SLC25A33: variants seen among roughly 807,000 people sequenced by gnomAD.
The protein encoded by SLC25A33 is solute carrier family 25 member 33.
In SLC25A33, 15 loss-of-function variants were observed where a neutral mutation model predicts 35.5. The ratio of observed to expected loss-of-function variants is 0.42; its 90% CI spans 0.28 to 0.65. The LOEUF is 0.65. Among genes scored for constraint, SLC25A33 ranks in the 30% least tolerant of loss-of-function variants. The probability of loss-of-function intolerance (pLI) is 0.20; values close to 1 mark genes in which losing one functional copy is unlikely to be tolerated. For synonymous variants in SLC25A33, 136 were observed against 148.7 expected, an observed-to-expected ratio of 0.91 and a Z score of 0.62; for missense variants, 257 against 398.5, an observed-to-expected ratio of 0.64 and a Z score of 3.02.
Position 9,580,053 on chromosome 1 carries a change from T to C in SLC25A33, c.582T>C (p.Tyr194=). The C allele has an allele frequency of 6.2e-7, 1 of 1,613,014 alleles. No individual in the cohort carries two copies. The highest frequency in any genetic ancestry group is 8.5e-7 in the Non-Finnish European group (1 of 1,179,294). The stretch of plus-strand genomic sequence containing the variant: ...TCTATAGAGGATTAACTGCCTCGTA[T>C]GCTGGAATTTCCGAAACTATAATCT... ...RGFYRGLTAS[Y]AGISETIICF... is the part of the protein sequence containing the mutation. Residue 194 remains tyrosine (Y), a synonymous_variant, in exon 6 of 7, where the codon TAT becomes TAC. Coordinates refer to ENST00000302692, the MANE Select transcript of SLC25A33 (RefSeq NM_032315.3).
At position 9,582,298 on chromosome 1, in the gene SLC25A33, G is replaced by A; in HGVS notation, c.764-1G>A. Reference sequence around the variant, plus strand: ...TAAAGTAGGTCTTTCTCTCTCTGCAGAAGTCATAAGGACGAGGCTCCGGGA... The same window carrying A: ...TAAAGTAGGTCTTTCTCTCTCTGCAAAAGTCATAAGGACGAGGCTCCGGGA... On this transcript the variant is annotated splice_acceptor_variant, in intron 6 of 6. Coordinates refer to ENST00000302692, the MANE Select transcript of SLC25A33 (RefSeq NM_032315.3). LOFTEE classifies it high-confidence loss of function. This position sits in a 1 kb window ranked among gnomAD's most constrained non-coding sequence, Gnocchi z 4.0. 1 of 1,613,984 alleles carries A rather than the reference G, an allele frequency of 6.2e-7. No homozygotes were observed. The highest frequency in any genetic ancestry group is 8.5e-7 in the Non-Finnish European group (1 of 1,179,864).
At position 9,585,015 on chromosome 1, in the gene SLC25A33, T is replaced by G. The variant is rs1007290544; in HGVS notation, c.*2514T>G. 1 of 152,240 alleles carries G rather than the reference T, an allele frequency of 6.6e-6. No individual in the cohort carries two copies. Among genetic ancestry groups the G allele is most frequent in the Non-Finnish European group, 1.5e-5 (1 of 68,046 alleles). The allele number at this position is 152,240 out of a possible 1,614,324, so 9.4% of individuals were successfully genotyped here. On this transcript the variant is annotated 3_prime_UTR_variant, in exon 7 of 7. Coordinates refer to ENST00000302692, the MANE Select transcript of SLC25A33 (RefSeq NM_032315.3). The stretch of plus-strand genomic sequence containing the variant: ...TACAGAGTAACATCTAATTTTAATA[T>G]TCACATTCCTATTTTAATATTCATA...
At position 9,553,203 on chromosome 1, in the gene SLC25A33, G is replaced by GTTTTTTTTTTTTTTTT. The variant is rs550067186; in HGVS notation, c.57-414_57-399dup. 1.3e-3 allele frequency among the ~76,000 whole-genome samples: 72 copies of GTTTTTTTTTTTTTTTT among 56,498 alleles called. 2 individuals carry two copies. Among genetic ancestry groups the GTTTTTTTTTTTTTTTT allele is most frequent in the Admixed American group, 1.4e-3 (5 of 3,676 alleles). The allele number at this position is 56,498 out of a possible 152,430, so 37.1% of individuals were successfully genotyped here. ...TTAACCTTTATTGTGTTCTAGTTTT[G>GTTTTTTTTTTTTTTTT]TTTTTTTTTTTTTTTTTTTTTTTTG... On this transcript the variant is annotated intron_variant, in intron 1 of 6. Coordinates refer to ENST00000302692, the MANE Select transcript of SLC25A33 (RefSeq NM_032315.3).
Position 9,553,511 on chromosome 1 carries a change from G to A in SLC25A33, c.57-115G>A, listed in dbSNP as rs1056030163. 2.5e-5 allele frequency: 29 copies of A among 1,160,486 alleles called. No homozygotes were observed. In the Admixed American group the frequency reaches 6.0e-4, roughly 24 times the overall value. 71.9% of individuals were successfully genotyped at this position (1,160,486 alleles called of 1,614,324 possible). A position where few individuals can be genotyped will look rare whatever the true frequency, so the allele number is the denominator to read the frequency against. Reference sequence around the variant, plus strand: ...GCCTCCCAAAGTGCTGGGATTACAGGCGTGAGCCACCGCGCCCGGCACGTT... The same window carrying A: ...GCCTCCCAAAGTGCTGGGATTACAGACGTGAGCCACCGCGCCCGGCACGTT... On this transcript the variant is annotated intron_variant, in intron 1 of 6. Transcript: ENST00000302692.
At chr1:9,575,826 T>C (rs1041656595) in intron 5 of SLC25A33, among the ~76,000 whole-genome samples, 4 of 152,232 alleles carry the variant, frequency 2.6e-5, no homozygotes, top group Middle Eastern at 3.2e-3. Context: ...TCAGACTCTT[T>C]TGATGAATCT....
At chr1:9,554,265 G>A (rs1027652254) in intron 2 of SLC25A33, among the ~76,000 whole-genome samples, 1 of 152,200 alleles carries the variant, frequency 6.6e-6, no homozygotes, top group Non-Finnish European at 1.5e-5. Context: ...CTCGCTGCAG[G>A]TGATCTGCCC....
rs55887722 is a variant in SLC25A33, at chr1:9,550,012, T to TATATATATATATATATACATA, written c.57-3614_57-3613insATATATATATATATATACATA. 3.9e-3 allele frequency among the ~76,000 whole-genome samples: 133 copies of TATATATATATATATATACATA among 33,808 alleles called. 2 individuals are homozygous for TATATATATATATATATACATA. The highest frequency in any genetic ancestry group is 0.011 in the African/African-American group (131 of 11,528). 22.2% of individuals were successfully genotyped at this position (33,808 alleles called of 152,430 possible). ...TTTTCTATACATATATATATATATA[T>TATATATATATATATATACATA]TTTTTTTTTTTTTTTTTTTTTTTTT... is the stretch of plus-strand genomic sequence containing the variant. On this transcript the variant is annotated intron_variant, in intron 1 of 6. Transcript: ENST00000302692.
chr1:9,559,305 A>G (rs1460932125), intron 2 of SLC25A33, among the ~76,000 whole-genome samples: 6 of 152,086 alleles, frequency 3.9e-5, no homozygotes, highest in Non-Finnish European at 8.8e-5. Context: ...GTTTCTTTTA[A>G]TTACTGAAAT....
At position 9,582,701 on chromosome 1, in the gene SLC25A33, C is replaced by CTT; in HGVS notation, c.*208_*209dup. On this transcript the variant is annotated 3_prime_UTR_variant, in exon 7 of 7. Coordinates refer to ENST00000302692, the MANE Select transcript of SLC25A33 (RefSeq NM_032315.3). The surrounding 1 kb of genome is among the most constrained non-coding windows in gnomAD (Gnocchi z 4.0). ...CATTAACGTTAATAGTTAATTATAACTTTTTTTTTAACTTAAGAGGATTCA... is the reference window on the plus strand; with the variant it reads ...CATTAACGTTAATAGTTAATTATAACTTTTTTTTTTTAACTTAAGAGGATTCA... 3.5e-6 allele frequency: 2 copies of CTT among 569,894 alleles called. No homozygotes were observed. Among genetic ancestry groups the CTT allele is most frequent in the African/African-American group, 3.8e-5 (2 of 52,974 alleles). The allele number at this position is 569,894 out of a possible 1,614,324, so 35.3% of individuals were successfully genotyped here. A position where few individuals can be genotyped will look rare whatever the true frequency, so the allele number is the denominator to read the frequency against.
At chr1:9,555,110 CTTTTTTTTTT>C (rs1172100444) in intron 2 of SLC25A33, among the ~76,000 whole-genome samples, 1 of 91,178 alleles carries the variant, frequency 1.1e-5, no homozygotes, top group African/African-American at 4.5e-5. Flanking sequence ...GCATTTAGCA[CTTTTTTTTTT>C]TTTTTTTTTT....
intron 5 of SLC25A33, chr1:9,576,408 T>C: frequency 1.5e-4 from 54 of 356,140 alleles, no homozygotes; most frequent in South Asian, 4.2e-4. Flanking sequence ...AGGTGGGCTT[T>C]GCCGTGTCTA....
At position 9,582,520 on chromosome 1, in the gene SLC25A33, T is replaced by C. The variant is rs770268183; in HGVS notation, c.*19T>C. 11 of 1,589,284 alleles carry C rather than the reference T, an allele frequency of 6.9e-6. No individual in the cohort carries two copies. The Admixed American group carries it at 1.6e-4, about 23-fold the overall frequency. On this transcript the variant is annotated 3_prime_UTR_variant, in exon 7 of 7. Transcript: ENST00000302692. The surrounding 1 kb of genome is among the most constrained non-coding windows in gnomAD (Gnocchi z 4.0). ...TCAGTAACAGGCCGGAAAATTGTGC[T>C]CTAGAAGAATAAAACTGAAAAACTC... is the stretch of plus-strand genomic sequence containing the variant.
At chr1:9,544,455 G>A (rs1390129834) in intron 1 of SLC25A33, among the ~76,000 whole-genome samples, 1 of 151,618 alleles carries the variant, frequency 6.6e-6, no homozygotes, top group Non-Finnish European at 1.5e-5. Context: ...TTTTAGTAGA[G>A]ACCAGGTTTC....
rs142177516 is a variant in SLC25A33 at position 9,555,392 on chromosome 1, A to G, written c.236+1587A>G. On this transcript the variant is annotated intron_variant, in intron 2 of 6. Transcript: ENST00000302692. ...CTTGACCTCCCAAAGTGTTGGGATT[A>G]CAGGCGTGAGCCACCGCACCCAGCC... 5.3e-5 allele frequency among the ~76,000 whole-genome samples: 8 copies of G among 152,236 alleles called. No individual in the cohort carries two copies. In the East Asian group the frequency reaches 1.2e-3, roughly 22 times the overall value.
At position 9,546,059 on chromosome 1, in the gene SLC25A33, A is replaced by G. The variant is rs116153860; in HGVS notation, c.56+6312A>G. ...TAGAAAATTAGGCAAATAGACTTCA[A>G]AGAATATCCCTCGTGACTGCTTTTA... On this transcript the variant is annotated intron_variant, in intron 1 of 6. Coordinates refer to ENST00000302692, the MANE Select transcript of SLC25A33 (RefSeq NM_032315.3). Among the ~76,000 whole-genome samples the G allele has an allele frequency of 3.9e-3, 592 of 152,222 alleles. 2 individuals carry two copies. The highest frequency in any genetic ancestry group is 0.011 in the South Asian group (53 of 4,826).
chr1:9,548,584 C>T (rs574383392), intron 1 of SLC25A33, among the ~76,000 whole-genome samples: 1 of 152,092 alleles, frequency 6.6e-6, no homozygotes, highest in East Asian at 1.9e-4. Context: ...TCTGTCTCAA[C>T]AACAAAAAGC....
At chr1:9,551,552 G>C (rs1038980264) in intron 1 of SLC25A33, among the ~76,000 whole-genome samples, 1 of 152,132 alleles carries the variant, frequency 6.6e-6, no homozygotes, top group Non-Finnish European at 1.5e-5. Context: ...TTTCCTTCCT[G>C]TCGTTGCCTT....
rs539739513 is a variant in SLC25A33, at chr1:9,543,217, C to T, written c.56+3470C>T. Among the ~76,000 whole-genome samples, 6 of 152,158 alleles carry T rather than the reference C, an allele frequency of 3.9e-5. No individual in the cohort carries two copies. The East Asian group carries it at 1.2e-3, about 29-fold the overall frequency. The stretch of plus-strand genomic sequence containing the variant: ...GGAGTGCAGTGGTGCGATCTCAGCT[C>T]ACTGCAACCTCTACCTCCTGGGTTC... On this transcript the variant is annotated intron_variant, in intron 1 of 6. Transcript: ENST00000302692.
intron 5 of SLC25A33, among the ~76,000 whole-genome samples, chr1:9,579,146 C>T (rs1643702144): frequency 6.6e-6 from 1 of 152,204 alleles, no homozygotes; most frequent in African/African-American, 2.4e-5. Flanking sequence ...CCTCCACTGT[C>T]ACACCACAAC....
Sources: allele counts gnomAD v4.1 joint callset (sites outside exome capture counted in the v4.1 genomes callset), GRCh38; gene constraint gnomAD v4.1.1; non-coding constraint Gnocchi (gnomAD v3.1); transcripts MANE v1.5; gene names NCBI Gene and HGNC (gene_info 2026-07-23, HGNC 2026-07-21).